The following PIWIL1 variants were observed in gnomAD, a reference collection of about 807,000 sequenced individuals.
PIWIL1 encodes the protein piwi-like protein 1.
In PIWIL1, 73 loss-of-function variants were observed where a neutral mutation model predicts 114.4. The ratio of observed to expected loss-of-function variants is 0.64; its 90% CI spans 0.53 to 0.78. The LOEUF (loss-of-function observed/expected upper bound fraction) is 0.78. PIWIL1 is among the 30% of genes least tolerant of loss of function. The pLI, the probability that PIWIL1 is intolerant of heterozygous loss-of-function variation, is 0.00. For synonymous variants in PIWIL1, 375 were observed against 369.0 expected, an observed-to-expected ratio of 1.02 and a Z score of -0.19; for missense variants, 723 against 1,063.1, an observed-to-expected ratio of 0.68 and a Z score of 4.45.
chr12:130,360,341 C>G (rs7978717), intron 14 of PIWIL1, among the ~76,000 whole-genome samples: 2 of 152,078 alleles, frequency 1.3e-5, no homozygotes, highest in African/African-American at 4.8e-5. Flanking sequence ...CAATGAGTTA[C>G]AAGCTGGATT....
the PIWIL1 span, among the ~76,000 whole-genome samples, chr12:130,395,634 T>TATGA: frequency 6.6e-6 from 1 of 152,218 alleles, no homozygotes; most frequent in South Asian, 2.1e-4. Flanking sequence ...TGGTAGCAAT[T>TATGA]ATGAGATAAA....
the PIWIL1 span, among the ~76,000 whole-genome samples, chr12:130,384,891 T>A: frequency 1.4e-3 from 217 of 152,338 alleles, 1 homozygote; most frequent in African/African-American, 5.2e-3. Context: ...ATCTTGAAGT[T>A]ATTTACTCTT....
At chr12:130,394,494 C>T in the PIWIL1 span, among the ~76,000 whole-genome samples, 270 of 152,118 alleles carry the variant, frequency 1.8e-3, 1 homozygote, top group Non-Finnish European at 1.4e-3. Context: ...ATGAATGAGG[C>T]TTTCAATGTA....
rs116929224 is a variant in PIWIL1, at chr12:130,365,922, C to T, written c.2196-1211C>T. On this transcript the variant is annotated intron_variant, in intron 18 of 20. Coordinates refer to ENST00000245255, the MANE Select transcript of PIWIL1 (RefSeq NM_004764.5). ...ATTCAGAGCTATTAGCACGGGCAGT[C>T]GCTGGGCAGCAGTAGTCTGCGTAGG... 1.6e-3 allele frequency among the ~76,000 whole-genome samples: 249 copies of T among 152,322 alleles called. 6 individuals are homozygous for T. The East Asian group carries it at 0.043, about 26-fold the overall frequency.
chr12:130,362,407 C>T (rs2073540136), intron 16 of PIWIL1, among the ~76,000 whole-genome samples: 1 of 152,198 alleles, frequency 6.6e-6, no homozygotes, highest in South Asian at 2.1e-4. Context: ...GTGAAACTTA[C>T]AATGAATAGT....
the PIWIL1 span, chr12:130,424,091 G>T: frequency 1.0e-6 from 1 of 972,610 alleles, no homozygotes; most frequent in Non-Finnish European, 1.3e-6. This position sits in a 1 kb window ranked among gnomAD's most constrained non-coding sequence, Gnocchi z 9.8. Context: ...TGAAAGGATG[G>T]GACAGATTGG....
chr12:130,344,133 A>G (rs1157780253), intron 3 of PIWIL1, among the ~76,000 whole-genome samples: 1 of 152,220 alleles, frequency 6.6e-6, no homozygotes, highest in Non-Finnish European at 1.5e-5. Context: ...TGATTTCATC[A>G]TTGTTTATAT....
chr12:130,421,779 A>G, the PIWIL1 span, among the ~76,000 whole-genome samples: 1 of 151,900 alleles, frequency 6.6e-6, no homozygotes, highest in Non-Finnish European at 1.5e-5. Flanking sequence ...TATCTTGTGC[A>G]TAATACTTTT....
chr12:130,383,996 G>T, the PIWIL1 span: 1 of 152,116 alleles, frequency 6.6e-6, no homozygotes, highest in African/African-American at 2.4e-5. Flanking sequence ...TTTGTGTCAT[G>T]ACATGTCTCT....
the PIWIL1 span, chr12:130,397,660 T>A: frequency 2.5e-6 from 1 of 396,648 alleles, no homozygotes; most frequent in Non-Finnish European, 4.4e-6. Context: ...GGGGGGTTCA[T>A]TTGTTCTTTC....
chr12:130,361,053 G>A, intron 14 of PIWIL1, 127 bp from the exon 15 acceptor site: 1 of 746,182 alleles, frequency 1.3e-6, no homozygotes, highest in Non-Finnish European at 2.2e-6. Flanking sequence ...TGGCTGAAAT[G>A]AATAGTAAAA....
At chr12:130,346,781 T>C (rs1454907377) in intron 5 of PIWIL1, among the ~76,000 whole-genome samples, 160 bp from the exon 6 acceptor site, 1 of 152,218 alleles carries the variant, frequency 6.6e-6, no homozygotes, top group Non-Finnish European at 1.5e-5. Flanking sequence ...AATTGAGTTA[T>C]AATACACTTA....
At chr12:130,370,078 C>T (rs1211751472) in intron 19 of PIWIL1, among the ~76,000 whole-genome samples, 1 of 152,128 alleles carries the variant, frequency 6.6e-6, no homozygotes, top group Admixed American at 6.5e-5. Flanking sequence ...TTCTTAACTC[C>T]TCATTCTTTG....
the PIWIL1 span, among the ~76,000 whole-genome samples, chr12:130,385,826 G>A: frequency 7.2e-5 from 11 of 152,190 alleles, no homozygotes; most frequent in Non-Finnish European, 1.5e-4. Context: ...GTTGAAAAAT[G>A]TTACTTCTCC....
downstream of PIWIL1, among the ~76,000 whole-genome samples, chr12:130,373,759 C>G (rs1416529882): frequency 6.6e-6 from 1 of 152,136 alleles, no homozygotes; most frequent in African/African-American, 2.4e-5. Flanking sequence ...CTTGGTTATG[C>G]CTCTGCTGTG....
the PIWIL1 span, chr12:130,425,812 A>G: frequency 6.6e-6 from 1 of 152,380 alleles, no homozygotes; most frequent in African/African-American, 2.4e-5. Flanking sequence ...AGTAGAGATG[A>G]GCCACATGGG....
chr12:130,342,583 T>C lies in PIWIL1; in HGVS notation c.-9T>C, dbSNP rs369705077. 2.2e-5 allele frequency: 35 copies of C among 1,601,774 alleles called. No individual in the cohort carries two copies. In the African/African-American group the frequency reaches 4.0e-4, roughly 18 times the overall value. ...TTCAAGATTGTTTCCTCTCCAGAAA[T>C]AGAAAACAATGACTGGGAGAGCCCG... On this transcript the variant is annotated 5_prime_UTR_variant, in exon 2 of 21. Coordinates refer to ENST00000245255, the MANE Select transcript of PIWIL1 (RefSeq NM_004764.5).
chr12:130,399,093 G>C, the PIWIL1 span: 2 of 1,324,308 alleles, frequency 1.5e-6, no homozygotes, highest in African/African-American at 3.0e-5. Flanking sequence ...ATCTTTATCG[G>C]TATCTTCAGT....
At chr12:130,369,557 G>T (rs1041940076) in intron 19 of PIWIL1, among the ~76,000 whole-genome samples, 2 of 152,030 alleles carry the variant, frequency 1.3e-5, no homozygotes, top group Non-Finnish European at 2.9e-5. Context: ...GCCATCTGTT[G>T]TTTCTTGACT....
Sources: gnomAD v4.1 joint callset for allele counts (sites outside exome capture counted in the v4.1 genomes callset) on GRCh38, gnomAD v4.1.1 for gene constraint, Gnocchi (gnomAD v3.1) non-coding constraint, MANE v1.5 for transcripts, NCBI Gene and HGNC (gene_info 2026-07-23, HGNC 2026-07-21) for gene names.